The following PTK2 variants were observed in gnomAD, a reference collection of about 807,000 sequenced individuals.
PTK2 encodes focal adhesion kinase 1.
Under a neutral mutation model 150.1 loss-of-function variants are expected in PTK2, and 45 were observed. That is an observed-to-expected ratio of 0.30 (90% CI 0.24 to 0.38). The LOEUF (loss-of-function observed/expected upper bound fraction) is 0.38, where lower values mean the gene tolerates loss of function less well. PTK2 is among the 10% of genes least tolerant of loss of function. PTK2 has a pLI of 1.00. For synonymous variants in PTK2, 432 were observed against 449.2 expected (o/e 0.96, Z 0.48); for missense variants, 919 against 1,307.3 (o/e 0.70, Z 4.58).
intron 1 of PTK2, among the ~76,000 whole-genome samples, chr8:140,992,331 G>A (rs906701367): frequency 2.6e-5 from 4 of 151,332 alleles, no homozygotes; most frequent in Non-Finnish European, 4.4e-5. Flanking sequence ...TTAGCTGGGC[G>A]TGGTGGCATA....
intron 2 of PTK2, among the ~76,000 whole-genome samples, chr8:140,912,358 G>T (rs1320792756): frequency 1.3e-5 from 2 of 152,066 alleles, no homozygotes; most frequent in African/African-American, 4.8e-5. Flanking sequence ...TCATACTTGA[G>T]TACAGTGGCT....
At chr8:140,839,557 G>T (rs2100121024) in intron 7 of PTK2, among the ~76,000 whole-genome samples, 2 of 151,932 alleles carry the variant, frequency 1.3e-5, no homozygotes, top group South Asian at 2.1e-4. Context: ...CACATGAAAT[G>T]GAATGTCTAG....
At chr8:140,975,309 T>G (rs1430567245) in intron 1 of PTK2, among the ~76,000 whole-genome samples, 1 of 152,212 alleles carries the variant, frequency 6.6e-6, no homozygotes, top group African/African-American at 2.4e-5. Flanking sequence ...CTTGCTGCCC[T>G]AGGATGTAAA....
At chr8:140,863,417 A>C (rs2100137403) in intron 5 of PTK2, among the ~76,000 whole-genome samples, 1 of 152,194 alleles carries the variant, frequency 6.6e-6, no homozygotes, top group Non-Finnish European at 1.5e-5. Context: ...TAACGTTTTT[A>C]AATGGCTCCC....
chr8:140,822,728 A>G (rs1351043216), intron 8 of PTK2, among the ~76,000 whole-genome samples: 1 of 152,232 alleles, frequency 6.6e-6, no homozygotes, highest in Non-Finnish European at 1.5e-5. Context: ...CACGTTGGTG[A>G]TAAGGGAGCA....
intron 5 of PTK2, among the ~76,000 whole-genome samples, chr8:140,858,486 C>G (rs2100134163): frequency 1.3e-5 from 2 of 151,000 alleles, no homozygotes; most frequent in Non-Finnish European, 3.0e-5. Flanking sequence ...TGTAATGAAG[C>G]TGTAAAAACC....
intron 2 of PTK2, among the ~76,000 whole-genome samples, chr8:140,914,959 G>T (rs1309794794): frequency 6.8e-6 from 1 of 148,072 alleles, no homozygotes. Context: ...CTTGAACCCG[G>T]GAGGCAGAGG....
chr8:140,802,432 AAG>A (rs1306108161), intron 11 of PTK2, among the ~76,000 whole-genome samples: 3 of 152,360 alleles, frequency 2.0e-5, no homozygotes, highest in South Asian at 4.1e-4. Flanking sequence ...TTGTTATTAC[AAG>A]AGTCAAAAAA....
At chr8:140,992,176 T>C (rs867937119) in intron 1 of PTK2, among the ~76,000 whole-genome samples, 10 of 149,720 alleles carry the variant, frequency 6.7e-5, no homozygotes, top group Middle Eastern at 3.2e-3. Flanking sequence ...CCTGTAATCA[T>C]AGCTACTCAA....
At chr8:140,708,319 C>A (rs1187191677) in intron 23 of PTK2, among the ~76,000 whole-genome samples, 1 of 152,152 alleles carries the variant, frequency 6.6e-6, no homozygotes, top group East Asian at 1.9e-4. Flanking sequence ...TTTGCTTATA[C>A]TGTCCCCTCT....
At chr8:140,788,037 T>C (rs1029280956) in intron 14 of PTK2, among the ~76,000 whole-genome samples, 2 of 152,212 alleles carry the variant, frequency 1.3e-5, no homozygotes, top group Admixed American at 1.3e-4. Context: ...TTGCCAATTC[T>C]CTGTACCCAC....
At chr8:140,707,908 C>G (rs569010898) in intron 23 of PTK2, among the ~76,000 whole-genome samples, 54 of 152,282 alleles carry the variant, frequency 3.5e-4, no homozygotes, top group Admixed American at 1.9e-3. Flanking sequence ...TGACTGTGAT[C>G]AAGTGACGAA....
intron 2 of PTK2, among the ~76,000 whole-genome samples, chr8:140,917,548 A>G (rs2100165780): frequency 1.3e-5 from 2 of 152,236 alleles, no homozygotes; most frequent in Non-Finnish European, 2.9e-5. Context: ...TAGAATGGCC[A>G]AAAGTTTGAC....
At chr8:140,824,610 A>G (rs1270935039) in intron 8 of PTK2, among the ~76,000 whole-genome samples, 1 of 152,246 alleles carries the variant, frequency 6.6e-6, no homozygotes, top group African/African-American at 2.4e-5. Flanking sequence ...GACAGAAACT[A>G]GAAAATCTCT....
rs2100170003 is a variant in PTK2 at position 140,927,735 on chromosome 8, G to A, written c.-121-1986C>T. Among the ~76,000 whole-genome samples the A allele has an allele frequency of 2.0e-5, 3 of 151,566 alleles. No homozygotes were observed. The South Asian group carries it at 6.2e-4, about 31-fold the overall frequency. On this transcript the variant is annotated intron_variant, in intron 1 of 31. Coordinates refer to ENST00000522684, the Ensembl canonical transcript of PTK2. Reference sequence around the variant, plus strand: ...CTTTGGGAGGCCAAGGCAGGTGGATGACCTGAGATCAGGAGTTCAAGACCA... The same window carrying A: ...CTTTGGGAGGCCAAGGCAGGTGGATAACCTGAGATCAGGAGTTCAAGACCA...
At chr8:140,872,147 C>T (rs532812345) in intron 4 of PTK2, among the ~76,000 whole-genome samples, 1 of 152,234 alleles carries the variant, frequency 6.6e-6, no homozygotes, top group South Asian at 2.1e-4. Context: ...CAGGTTCAAG[C>T]GATTCTCCAG....
chr8:140,949,489 C>G (rs79733187), intron 1 of PTK2, among the ~76,000 whole-genome samples: 1 of 152,238 alleles, frequency 6.6e-6, no homozygotes, highest in Non-Finnish European at 1.5e-5. Flanking sequence ...GAAGCCCCCC[C>G]GCCCTCACAG....
chr8:140,756,405 A>G (rs2100065751), intron 16 of PTK2, among the ~76,000 whole-genome samples: 1 of 151,732 alleles, frequency 6.6e-6, no homozygotes, highest in African/African-American at 2.4e-5. Flanking sequence ...TTTAGTAAAC[A>G]TTAGATTATG....
intron 10 of PTK2, among the ~76,000 whole-genome samples, chr8:140,815,390 A>C (rs2100104107): frequency 1.3e-5 from 2 of 152,156 alleles, no homozygotes. Context: ...ACAGAGGGCA[A>C]CAACAGACAC....
Sources: allele counts gnomAD v4.1 joint callset (sites outside exome capture counted in the v4.1 genomes callset), GRCh38; gene constraint gnomAD v4.1.1; transcripts MANE v1.5; gene names NCBI Gene and HGNC (gene_info 2026-07-23, HGNC 2026-07-21).